OR51B5: variants seen among roughly 807,000 people sequenced by gnomAD.
OR51B5 encodes the protein olfactory receptor 51B5.
For missense variants in OR51B5, 456 were observed against 374.6 expected (o/e 1.22, Z -1.79); for synonymous variants, 186 against 144.8 (o/e 1.28, Z -2.04).
intron 1 of OR51B5, among the ~76,000 whole-genome samples, chr11:5,381,330 A>G (rs1231752219): frequency 6.6e-6 from 1 of 152,176 alleles, no homozygotes; most frequent in Admixed American, 6.5e-5. Flanking sequence ...AATGCCTCAC[A>G]CTAATGTGTT....
At chr11:5,373,924 G>A (rs1029491553) in intron 1 of OR51B5, among the ~76,000 whole-genome samples, 93 of 152,286 alleles carry the variant, frequency 6.1e-4, no homozygotes, top group Non-Finnish European at 1.2e-3. Flanking sequence ...CAAAAAGACA[G>A]CAGTAACCTC....
chr11:5,381,232 G>C (rs1164586515), intron 1 of OR51B5, among the ~76,000 whole-genome samples: 1 of 150,922 alleles, frequency 6.6e-6, no homozygotes, highest in Non-Finnish European at 1.5e-5. Flanking sequence ...TAACAAATAG[G>C]TACACTGTTA....
intron 1 of OR51B5, among the ~76,000 whole-genome samples, chr11:5,417,787 A>T (rs1481474374): frequency 7.2e-6 from 1 of 139,802 alleles, no homozygotes; most frequent in East Asian, 2.1e-4. Flanking sequence ...GGTGCTGGAG[A>T]GGATGTGGAG....
chr11:5,368,424 A>G (rs1849404969), intron 1 of OR51B5, among the ~76,000 whole-genome samples: 1 of 151,862 alleles, frequency 6.6e-6, no homozygotes, highest in Admixed American at 6.6e-5. Context: ...AACGTGTTCA[A>G]TAGTGCCTGG....
At chr11:5,467,797 A>T (rs1851158577) in intron 1 of OR51B5, among the ~76,000 whole-genome samples, 1 of 152,214 alleles carries the variant, frequency 6.6e-6, no homozygotes, top group Non-Finnish European at 1.5e-5. Flanking sequence ...ACTGAAGTGG[A>T]CTTGCCAGCC....
In OR51B5 at chr11:5,352,637, A is replaced by G. The variant is rs192117465; in HGVS notation, n.85-5727T>C. Among the ~76,000 whole-genome samples, 62 of 152,202 alleles carry G rather than the reference A, an allele frequency of 4.1e-4. 1 individual carries two copies. Among genetic ancestry groups the G allele is most frequent in the African/African-American group, 1.4e-3 (58 of 41,520 alleles). On this transcript the variant is annotated intron_variant and non_coding_transcript_variant, in intron 1 of 4. Coordinates refer to the OR51B5 transcript ENST00000415970. ...CTGCCTGTCTATTGCTGATTTGTAT[A>G]AGATATATGTACAACACTAAGTACA...
chr11:5,429,746 G>T (rs925958375), intron 1 of OR51B5, among the ~76,000 whole-genome samples: 1 of 152,156 alleles, frequency 6.6e-6, no homozygotes, highest in African/African-American at 2.4e-5. Context: ...AGCATGAAAG[G>T]AAGGGAGGAA....
At chr11:5,492,412 G>C (rs1851594673) in intron 1 of OR51B5, among the ~76,000 whole-genome samples, 1 of 152,148 alleles carries the variant, frequency 6.6e-6, no homozygotes, top group South Asian at 2.1e-4. Context: ...GCAGCAGAGA[G>C]ACACTCAATT....
At chr11:5,372,455 C>A (rs1849461883) in intron 1 of OR51B5, among the ~76,000 whole-genome samples, 1 of 152,142 alleles carries the variant, frequency 6.6e-6, no homozygotes, top group Admixed American at 6.5e-5. Context: ...TTGATAATAG[C>A]CATCTCAACA....
At chr11:5,405,127 T>G (rs1850039678) in intron 1 of OR51B5, among the ~76,000 whole-genome samples, 1 of 152,240 alleles carries the variant, frequency 6.6e-6, no homozygotes, top group African/African-American at 2.4e-5. Context: ...GTAAAGCGTT[T>G]ATACTTACAT....
intron 1 of OR51B5, among the ~76,000 whole-genome samples, chr11:5,379,678 A>G (rs1236722169): frequency 1.9e-5 from 2 of 104,660 alleles, no homozygotes; most frequent in Non-Finnish European, 4.2e-5. Flanking sequence ...TTAGCTAAAG[A>G]TATGAATTAA....
intron 1 of OR51B5, among the ~76,000 whole-genome samples, chr11:5,414,269 G>C (rs1227651080): frequency 6.6e-6 from 1 of 151,266 alleles, no homozygotes; most frequent in African/African-American, 2.4e-5. Context: ...CCCTAGAAGA[G>C]CTCCTGAAGG....
At chr11:5,385,888 TTA>T (rs1251955963) in intron 1 of OR51B5, among the ~76,000 whole-genome samples, 6 of 149,290 alleles carry the variant, frequency 4.0e-5, no homozygotes, top group Non-Finnish European at 7.4e-5. Context: ...ATCTATACAC[TTA>T]TATGTTATTT....
chr11:5,488,333 G>A (rs552825957), intron 1 of OR51B5, among the ~76,000 whole-genome samples: 1 of 152,162 alleles, frequency 6.6e-6, no homozygotes, highest in East Asian at 1.9e-4. Flanking sequence ...CTAGGTAAGA[G>A]AAAAGGCATG....
chr11:5,376,307 G>A (rs1298250707), intron 1 of OR51B5, among the ~76,000 whole-genome samples: 22 of 152,166 alleles, frequency 1.4e-4, no homozygotes, highest in South Asian at 2.1e-4. Flanking sequence ...GGACACATTC[G>A]AATCAGTGTG....
intron 1 of OR51B5, among the ~76,000 whole-genome samples, chr11:5,433,908 T>C (rs1850563041): frequency 6.6e-6 from 1 of 152,152 alleles, no homozygotes; most frequent in South Asian, 2.1e-4. Flanking sequence ...AGGTCCTGCA[T>C]TCTCTTACTC....
At chr11:5,372,078 C>T (rs2133707779) in intron 1 of OR51B5, among the ~76,000 whole-genome samples, 1 of 152,138 alleles carries the variant, frequency 6.6e-6, no homozygotes, top group East Asian at 1.9e-4. Flanking sequence ...TTTTTTAAGG[C>T]TGAATAATAT....
intron 1 of OR51B5, among the ~76,000 whole-genome samples, chr11:5,473,710 AT>A (rs1389865487): frequency 2.0e-5 from 3 of 152,216 alleles, no homozygotes; most frequent in Non-Finnish European, 1.5e-5. Flanking sequence ...GAGTATTCAA[AT>A]TCTTTATAAA....
chr11:5,488,665 T>C (rs777250830), intron 1 of OR51B5: 16 of 1,323,976 alleles, frequency 1.2e-5, no homozygotes, highest in South Asian at 1.0e-4. Flanking sequence ...AGGGCAAGCA[T>C]AACAATACTA....
Sources: gnomAD v4.1 joint callset for allele counts (sites outside exome capture counted in the v4.1 genomes callset) on GRCh38, gnomAD v4.1.1 for gene constraint, MANE v1.5 for transcripts, NCBI Gene and HGNC (gene_info 2026-07-23, HGNC 2026-07-21) for gene names.